Variants in BBS7 observed in about 807,000 individuals in gnomAD.
BBS7 encodes the protein Bardet-Biedl syndrome 7.
BBS7 carries 50 observed loss-of-function variants against 90.3 expected under a neutral mutation model. The ratio of observed to expected loss-of-function variants is 0.55; its 90% CI spans 0.44 to 0.70. The LOEUF is 0.70. Ranked by LOEUF, BBS7 falls within the 30% of genes least tolerant of loss-of-function variation. The probability of loss-of-function intolerance (pLI) is 0.00; values close to 1 mark genes in which losing one functional copy is unlikely to be tolerated. For synonymous variants in BBS7, 235 were observed against 287.4 expected, an observed-to-expected ratio of 0.82 and a Z score of 1.85; for missense variants, 729 against 838.9, an observed-to-expected ratio of 0.87 and a Z score of 1.62.
chr4:121,864,550 T>TTAAAAA (rs1167335448), intron 2 of BBS7, among the ~76,000 whole-genome samples: 3 of 152,228 alleles, frequency 2.0e-5, no homozygotes, highest in African/African-American at 7.2e-5. Flanking sequence ...AATAATTTTT[T>TTAAAAA]TAAAATAAAA....
At chr4:121,855,456 T>C (rs1215857896) in intron 6 of BBS7, 33 bp downstream of exon 6, 8 of 1,572,976 alleles carry the variant, frequency 5.1e-6, no homozygotes, top group African/African-American at 2.7e-5. Flanking sequence ...TTAAAACACA[T>C]AGTTGATTTG....
Position 121,859,123 on chromosome 4 carries a change from A to G in BBS7, c.397T>C (p.Cys133Arg). The change falls in exon 5 of 19, where the codon TGT becomes CGT. Residue 133 changes from cysteine (C) to arginine (R), a missense_variant. Cys to Arg is a radical substitution (Grantham distance 180). Transcript: ENST00000264499. ...TAATAATGTTGGTCTTTGCAGTCAC[A>G]ATAATGGTTATAGATGTAACTTGCA... ...LSASYIYNHY[C>R]DCKDQHYYLS... is the part of the protein sequence containing the mutation. 2 of 1,613,924 alleles carry G rather than the reference A, an allele frequency of 1.2e-6. No homozygotes were observed. The highest frequency in any genetic ancestry group is 1.7e-6 in the Non-Finnish European group (2 of 1,179,868).
At position 121,855,538 on chromosome 4, in the gene BBS7, A is replaced by G. The variant is rs1726564954; in HGVS notation, c.552T>C (p.Val184=). Residue 184 remains valine (V), a synonymous_variant, in exon 6 of 19, where the codon GTT becomes GTC. Coordinates refer to ENST00000264499, the MANE Select transcript of BBS7 (RefSeq NM_176824.3). ...AGACAGTAGGGGGTCCAGGAACTTC[A>G]ACTGCATACATCACATCAGATCCCT... ...VLQGSDVMYA[V]EVPGPPTVLA... The G allele has an allele frequency of 6.2e-7, 1 of 1,613,550 alleles. No individual in the cohort carries two copies. The highest frequency in any genetic ancestry group is 8.5e-7 in the Non-Finnish European group (1 of 1,179,702).
chr4:121,851,288 A>C lies in BBS7; in HGVS notation c.849+1668T>G, dbSNP rs74941963. On this transcript the variant is annotated intron_variant, in intron 8 of 18. Transcript: ENST00000264499. Reference sequence around the variant, plus strand: ...CCCTTTTTTGCTAATAGAACATTTTAATGAAATTCATTTATCTTATGTACT... The same window carrying C: ...CCCTTTTTTGCTAATAGAACATTTTCATGAAATTCATTTATCTTATGTACT... Among the ~76,000 whole-genome samples, 1,241 of 152,070 alleles carry C rather than the reference A, an allele frequency of 8.2e-3. 93 individuals are homozygous for C. In the East Asian group the frequency reaches 0.19, roughly 24 times the overall value.
intron 4 of BBS7, 122 bp downstream of exon 4, chr4:121,861,382 A>G: frequency 4.1e-6 from 4 of 976,488 alleles, no homozygotes; most frequent in Non-Finnish European, 5.9e-6. Flanking sequence ...TGACTAATAA[A>G]ATACCTTTAG....
chr4:121,840,079 A>G lies in BBS7; in HGVS notation c.1306-383T>C, dbSNP rs140745695. On this transcript the variant is annotated intron_variant, in intron 12 of 18. Coordinates refer to ENST00000264499, the MANE Select transcript of BBS7 (RefSeq NM_176824.3). Reference sequence around the variant, plus strand: ...TATGGTTTGGCTCTGTCCCCATTCAAATCTCATCTTGAATTGTACTGCCAT... The same window carrying G: ...TATGGTTTGGCTCTGTCCCCATTCAGATCTCATCTTGAATTGTACTGCCAT... 8.6e-3 allele frequency among the ~76,000 whole-genome samples: 1,317 copies of G among 152,280 alleles called. 14 individuals carry two copies. The highest frequency in any genetic ancestry group is 0.03 in the African/African-American group (1,263 of 41,536).
intron 8 of BBS7, among the ~76,000 whole-genome samples, chr4:121,849,153 T>C (rs1726175045): frequency 6.6e-6 from 1 of 152,226 alleles, no homozygotes; most frequent in South Asian, 2.1e-4. Flanking sequence ...CCTAGTATAT[T>C]TGTGGGTACC....
Position 121,851,115 on chromosome 4 carries a change from A to C in BBS7, c.849+1841T>G, listed in dbSNP as rs756397570. The stretch of plus-strand genomic sequence containing the variant: ...TTGCAGAAGAATGTTTTACTTATCC[A>C]ATAGAAACACGCACATTCTCACTTT... On this transcript the variant is annotated intron_variant, in intron 8 of 18. Coordinates refer to ENST00000264499, the MANE Select transcript of BBS7 (RefSeq NM_176824.3). Among the ~76,000 whole-genome samples, 3 of 152,320 alleles carry C rather than the reference A, an allele frequency of 2.0e-5. No homozygotes were observed. In the South Asian group the frequency reaches 6.2e-4, roughly 32 times the overall value.
intron 8 of BBS7, 116 bp downstream of exon 8, chr4:121,852,840 A>C: frequency 8.9e-7 from 1 of 1,127,984 alleles, no homozygotes. Flanking sequence ...AAATAGCAAT[A>C]TTTTAAACCA....
chr4:121,837,493 G>A (rs1408400695), intron 13 of BBS7, among the ~76,000 whole-genome samples: 3 of 152,038 alleles, frequency 2.0e-5, no homozygotes, highest in Admixed American at 2.0e-4. Flanking sequence ...GATGCCAGTT[G>A]TGCCAACAGC....
chr4:121,861,325 A>T, intron 4 of BBS7, 179 bp downstream of exon 4: 1 of 588,066 alleles, frequency 1.7e-6, no homozygotes, highest in East Asian at 3.1e-5. Flanking sequence ...TCTTTAAAAA[A>T]ATTTCAACAA....
intron 5 of BBS7, among the ~76,000 whole-genome samples, chr4:121,856,251 G>T (rs1304612183): frequency 6.6e-6 from 1 of 152,112 alleles, no homozygotes; most frequent in Non-Finnish European, 1.5e-5. Flanking sequence ...TGAATGACCT[G>T]CTACTTAGAT....
chr4:121,835,649 T>A (rs1578532215), intron 13 of BBS7, among the ~76,000 whole-genome samples: 1 of 152,110 alleles, frequency 6.6e-6, no homozygotes, highest in African/African-American at 2.4e-5. Context: ...AGGAAGAGGA[T>A]AAGAAAAGAT....
chr4:121,863,308 T>C, intron 2 of BBS7, 29 bp from the exon 3 acceptor site: 1 of 1,546,306 alleles, frequency 6.5e-7, no homozygotes, highest in Non-Finnish European at 8.9e-7. Flanking sequence ...AATCTAAAAT[T>C]ACTATTATTA....
intron 13 of BBS7, among the ~76,000 whole-genome samples, chr4:121,836,398 G>A (rs1426626813): frequency 2.0e-5 from 3 of 151,968 alleles, no homozygotes; most frequent in African/African-American, 7.3e-5. Flanking sequence ...TATCAGACAG[G>A]TGTGTTTCTT....
In BBS7 at chr4:121,825,926, G is replaced by C; in HGVS notation, c.2082C>G (p.Pro694=). The change falls in exon 19 of 19, where the codon CCC becomes CCG. Residue 694 remains proline (P), a synonymous_variant. Transcript: ENST00000264499. Reference sequence around the variant, plus strand: ...AACTGTCCAGAATTTCCAATAGAAGGGGTACTTTAGTTTTTACATTGGTGC... The same window carrying C: ...AACTGTCCAGAATTTCCAATAGAAGCGGTACTTTAGTTTTTACATTGGTGC... The part of the protein sequence containing the change: ...FKGTNVKTKV[P]LLLEILDSYD... 4.3e-6 allele frequency: 7 copies of C among 1,610,938 alleles called. No homozygotes were observed. Among genetic ancestry groups the C allele is most frequent in the Non-Finnish European group, 5.9e-6 (7 of 1,177,648 alleles).
intron 12 of BBS7, among the ~76,000 whole-genome samples, chr4:121,841,960 T>G (rs768437626): frequency 2.0e-5 from 3 of 151,930 alleles, no homozygotes; most frequent in Non-Finnish European, 2.9e-5. Context: ...TGAAGTTATA[T>G]TGAAAAACAG....
Position 121,854,932 on chromosome 4 carries a change from T to C in BBS7, c.602-112A>G, listed in dbSNP as rs529058894. The C allele has an allele frequency of 3.6e-5, 37 of 1,037,762 alleles. No individual in the cohort carries two copies. In the South Asian group the frequency reaches 3.9e-4, roughly 11 times the overall value. 64.3% of individuals were successfully genotyped at this position (1,037,762 alleles called of 1,614,324 possible). On this transcript the variant is annotated intron_variant, in intron 6 of 18. Coordinates refer to ENST00000264499, the MANE Select transcript of BBS7 (RefSeq NM_176824.3). ...TTTTAAAAAGTACTATAAAAAGATA[T>C]AAAACTTAATTGTTGAGAATGGTTA...
intron 15 of BBS7, among the ~76,000 whole-genome samples, chr4:121,829,484 C>T (rs994542181): frequency 6.6e-6 from 1 of 152,210 alleles, no homozygotes; most frequent in Non-Finnish European, 1.5e-5. Flanking sequence ...GATCCGCCCA[C>T]CTTGGCCTCC....
Sources: gnomAD v4.1 joint callset for allele counts (sites outside exome capture counted in the v4.1 genomes callset) on GRCh38, gnomAD v4.1.1 for gene constraint, MANE v1.5 for transcripts, NCBI Gene and HGNC (gene_info 2026-07-23, HGNC 2026-07-21) for gene names.